Variants in AKR1A1 observed in about 807,000 individuals in gnomAD.
AKR1A1 encodes aldo-keto reductase family 1 member A1.
AKR1A1 carries 26 observed loss-of-function variants against 39.2 expected under a neutral mutation model. The ratio of observed to expected loss-of-function variants is 0.66; its 90% confidence interval spans 0.49 to 0.92. The LOEUF (loss-of-function observed/expected upper bound fraction) is 0.92. AKR1A1 is among the 40% of genes least tolerant of loss of function. AKR1A1 has a pLI of 0.00. For synonymous variants in AKR1A1, 141 were observed against 155.5 expected, an observed-to-expected ratio of 0.91 and a Z score of 0.69; for missense variants, 378 against 406.5, an observed-to-expected ratio of 0.93 and a Z score of 0.60.
At chr1:45,565,478 T>G (rs749799452) in intron 2 of AKR1A1, among the ~76,000 whole-genome samples, 42 of 151,688 alleles carry the variant, frequency 2.8e-4, no homozygotes, top group Non-Finnish European at 4.6e-4. Flanking sequence ...GTTATTTTTT[T>G]TGTGTTTTTT....
At chr1:45,567,812 G>A (rs550911045) in intron 4 of AKR1A1, 170 bp from the exon 5 acceptor site, 1 of 606,602 alleles carries the variant, frequency 1.6e-6, no homozygotes, top group Non-Finnish European at 2.8e-6. Context: ...GGGCGGTAAA[G>A]CGAGACTCCA....
intron 1 of AKR1A1, among the ~76,000 whole-genome samples, chr1:45,560,978 C>T (rs79891356): frequency 1.3e-4 from 20 of 152,204 alleles, no homozygotes; most frequent in Non-Finnish European, 2.4e-4. Context: ...CCACCCGCCT[C>T]GGCCTCCCAA....
At chr1:45,558,447 G>A (rs541006936) in intron 1 of AKR1A1, among the ~76,000 whole-genome samples, 98 of 144,044 alleles carry the variant, frequency 6.8e-4, no homozygotes, top group Middle Eastern at 3.8e-3. Flanking sequence ...CACCCAAGCC[G>A]GAGTGCAGTG....
intron 1 of AKR1A1, among the ~76,000 whole-genome samples, chr1:45,559,176 C>G (rs1439703975): frequency 6.6e-6 from 1 of 152,200 alleles, no homozygotes; most frequent in African/African-American, 2.4e-5. Context: ...CTGATATCAC[C>G]TGTTCCCATT....
chr1:45,562,988 G>T (rs1438425029), intron 2 of AKR1A1, among the ~76,000 whole-genome samples: 1 of 152,052 alleles, frequency 6.6e-6, no homozygotes, highest in Non-Finnish European at 1.5e-5. Context: ...ATGCGCCTGT[G>T]GTCCCAGCTA....
chr1:45,562,637 G>A (rs1221107150), intron 2 of AKR1A1, among the ~76,000 whole-genome samples: 1 of 151,992 alleles, frequency 6.6e-6, no homozygotes, highest in Non-Finnish European at 1.5e-5. Flanking sequence ...AGCCTCCCGA[G>A]TAGCTGGGGC....
Position 45,568,571 on chromosome 1 carries a change from G to T in AKR1A1, c.639G>T (p.Leu213Phe). ...RGLEVTAYSP[L>F]GSSDRAWRDP... The stretch of plus-strand genomic sequence containing the variant: ...TGGAGGTAACTGCTTATAGCCCTTT[G>T]GGCTCCTCTGATCGTGCATGGCGTG... The change falls in exon 6 of 9, where the codon TTG becomes TTT. Residue 213 changes from leucine (L) to phenylalanine (F), a missense_variant. By Grantham distance (22) the Leu-to-Phe change is conservative (BLOSUM62 0). Coordinates refer to ENST00000351829, the MANE Select transcript of AKR1A1 (RefSeq NM_153326.3). 1 of 1,613,940 alleles carries T rather than the reference G, an allele frequency of 6.2e-7. No homozygotes were observed.
At chr1:45,569,328 C>G (rs578143187) in intron 8 of AKR1A1, 99 bp downstream of exon 8, 7 of 986,874 alleles carry the variant, frequency 7.1e-6, no homozygotes, top group Non-Finnish European at 1.1e-5. Context: ...GAGAAGGACA[C>G]AATGTTGTGG....
At chr1:45,568,312 G>A in intron 5 of AKR1A1, 135 bp downstream of exon 5, 1 of 1,258,158 alleles carries the variant, frequency 7.9e-7, no homozygotes, top group Non-Finnish European at 1.1e-6. Context: ...GCATAAAGGT[G>A]GGCATTGAAG....
chr1:45,568,757 G>A (rs1644378731), intron 6 of AKR1A1, 73 bp downstream of exon 6: 4 of 1,576,248 alleles, frequency 2.5e-6, no homozygotes, highest in Admixed American at 1.7e-5. Flanking sequence ...TTCAGTGTCT[G>A]GGTGAGGCTG....
intron 1 of AKR1A1, among the ~76,000 whole-genome samples, chr1:45,554,986 G>A (rs1644181949): frequency 1.3e-5 from 2 of 151,900 alleles, no homozygotes; most frequent in South Asian, 2.1e-4. Flanking sequence ...GCCACCACAC[G>A]CAACCAGATG....
rs1444482763 is a variant in AKR1A1 at position 45,550,913 on chromosome 1, A to G, written c.-249A>G. The G allele has an allele frequency of 1.3e-5, 2 of 152,346 alleles. No homozygotes were observed. Among genetic ancestry groups the G allele is most frequent in the Non-Finnish European group, 2.9e-5 (2 of 68,140 alleles). The allele number at this position is 152,346 out of a possible 1,614,324, so 9.4% of individuals were successfully genotyped here. ...AGTTCCGGCCAGTTCGACCTCGAGG[A>G]TCCAGAGGTGGAGACGGTACTACCT... On this transcript the variant is annotated 5_prime_UTR_variant, in exon 1 of 9. Transcript: ENST00000351829.
Position 45,567,825 on chromosome 1 carries a change from TC to T in AKR1A1, c.357-156del. 6.8e-6 allele frequency: 4 copies of T among 592,124 alleles called. No individual in the cohort carries two copies. The East Asian group carries it at 9.2e-5, about 14-fold the overall frequency. 36.7% of individuals were successfully genotyped at this position (592,124 alleles called of 1,614,324 possible). On this transcript the variant is annotated intron_variant, in intron 4 of 8. Transcript: ENST00000351829. ...CTGGGCGGTAAAGCGAGACTCCATC[TC>T]AAAAAAAAAAAAAAAGAAAAAGCAT...
At position 45,569,945 on chromosome 1, in the gene AKR1A1, G is replaced by T; in HGVS notation, c.967G>T (p.Asp323Tyr). ...DAGHPLYPFN[D>Y]PY ...AGGGCATCCTCTGTACCCCTTTAAT[G>T]ACCCGTACTGAGACCACAGCTTCTT... The change falls in exon 9 of 9, where the codon GAC becomes TAC. Residue 323 changes from aspartate (D) to tyrosine (Y), a missense_variant. By Grantham distance (160) the Asp-to-Tyr change is radical. Transcript: ENST00000351829. 1 of 1,614,112 alleles carries T rather than the reference G, an allele frequency of 6.2e-7. No individual in the cohort carries two copies. Among genetic ancestry groups the T allele is most frequent in the South Asian group, 1.1e-5 (1 of 91,076 alleles).
At chr1:45,564,324 C>T (rs1167656231) in intron 2 of AKR1A1, among the ~76,000 whole-genome samples, 1 of 152,092 alleles carries the variant, frequency 6.6e-6, no homozygotes, top group East Asian at 1.9e-4. Context: ...AGGGGAAGTA[C>T]GTCGGCACCC....
intron 1 of AKR1A1, among the ~76,000 whole-genome samples, chr1:45,555,482 T>A (rs528668673): frequency 6.6e-6 from 1 of 151,486 alleles, no homozygotes; most frequent in Admixed American, 6.6e-5. Context: ...AGTGAAACTG[T>A]GTCTAAAAAA....
chr1:45,560,518 G>A (rs1259345895), intron 1 of AKR1A1, among the ~76,000 whole-genome samples: 1 of 152,124 alleles, frequency 6.6e-6, no homozygotes, highest in African/African-American at 2.4e-5. Flanking sequence ...GGTGAGGCAG[G>A]AATATCACTT....
At chr1:45,560,069 C>A (rs1424053728) in intron 1 of AKR1A1, among the ~76,000 whole-genome samples, 1 of 151,540 alleles carries the variant, frequency 6.6e-6, no homozygotes, top group African/African-American at 2.4e-5. Context: ...CTCACTGCAA[C>A]CTCCGCCTCC....
intron 4 of AKR1A1, 134 bp from the exon 5 acceptor site, chr1:45,567,848 G>A: frequency 1.3e-6 from 1 of 778,836 alleles, no homozygotes; most frequent in Non-Finnish European, 1.9e-6. Flanking sequence ...AAAAGAAAAA[G>A]CATGGCTTTT....
Sources: allele counts gnomAD v4.1 joint callset (sites outside exome capture counted in the v4.1 genomes callset), GRCh38; gene constraint gnomAD v4.1.1; transcripts MANE v1.5; gene names NCBI Gene and HGNC (gene_info 2026-07-23, HGNC 2026-07-21).